Variants in CNTNAP2 observed in about 807,000 individuals in gnomAD.
The protein encoded by CNTNAP2 is contactin associated protein 2, also known as contactin-associated protein-like 2.
In CNTNAP2, 98 loss-of-function variants were observed where a neutral mutation model predicts 155.2. That is an observed-to-expected ratio of 0.63 (90% CI 0.54 to 0.75). CNTNAP2 has a LOEUF of 0.75. CNTNAP2 is among the 30% of genes least tolerant of loss of function. CNTNAP2 has a pLI of 0.00. For synonymous variants in CNTNAP2, 651 were observed against 631.2 expected (o/e 1.03, Z -0.47); for missense variants, 1,727 against 1,688.1 (o/e 1.02, Z -0.40).
At chr7:147,908,526 T>C (rs1216575291) in intron 14 of CNTNAP2, among the ~76,000 whole-genome samples, 2 of 152,190 alleles carry the variant, frequency 1.3e-5, no homozygotes, top group Non-Finnish European at 2.9e-5. Flanking sequence ...CAGAGCCCCT[T>C]CTTGAAGCTG....
chr7:147,150,147 A>G (rs1801796406), intron 8 of CNTNAP2, among the ~76,000 whole-genome samples: 1 of 152,170 alleles, frequency 6.6e-6, no homozygotes, highest in African/African-American at 2.4e-5. Flanking sequence ...AGCTCAGAGA[A>G]GAGTCAAGGC....
chr7:147,644,193 C>T (rs943253426), intron 13 of CNTNAP2, among the ~76,000 whole-genome samples: 2 of 152,146 alleles, frequency 1.3e-5, no homozygotes, highest in Non-Finnish European at 2.9e-5. Flanking sequence ...AGAGAAAAAT[C>T]ATTAATGGTC....
chr7:147,297,599 G>T (rs1188229681), intron 8 of CNTNAP2, among the ~76,000 whole-genome samples: 3 of 152,136 alleles, frequency 2.0e-5, no homozygotes, highest in African/African-American at 2.4e-5. Flanking sequence ...TTCACACGAG[G>T]CATTCCAGAT....
intron 1 of CNTNAP2, among the ~76,000 whole-genome samples, chr7:146,766,157 C>T (rs1363987364): frequency 2.0e-5 from 3 of 151,962 alleles, no homozygotes; most frequent in East Asian, 1.9e-4. Context: ...AGATAAAGAT[C>T]GAAGCAGGAA....
intron 13 of CNTNAP2, among the ~76,000 whole-genome samples, chr7:147,814,181 T>G (rs1296230601): frequency 6.6e-6 from 1 of 152,216 alleles, no homozygotes; most frequent in African/African-American, 2.4e-5. Context: ...AGTTCTTTTA[T>G]TTTCCTAGAA....
intron 9 of CNTNAP2, among the ~76,000 whole-genome samples, chr7:147,389,048 C>T (rs1796667581): frequency 6.6e-6 from 1 of 152,164 alleles, no homozygotes; most frequent in Non-Finnish European, 1.5e-5. Flanking sequence ...CCACTAGACT[C>T]TCTTCCCCTG....
chr7:147,988,486 G>T (rs1367613563), intron 15 of CNTNAP2, among the ~76,000 whole-genome samples: 1 of 152,012 alleles, frequency 6.6e-6, no homozygotes, highest in Non-Finnish European at 1.5e-5. Context: ...GAGTCAGGTT[G>T]GAAAATAAGT....
At chr7:147,792,665 C>G (rs1797838329) in intron 13 of CNTNAP2, among the ~76,000 whole-genome samples, 1 of 152,146 alleles carries the variant, frequency 6.6e-6, no homozygotes, top group Non-Finnish European at 1.5e-5. Context: ...TATGACCATT[C>G]ATCTACAAGT....
intron 1 of CNTNAP2, among the ~76,000 whole-genome samples, chr7:146,283,492 C>T (rs554784999): frequency 6.8e-4 from 103 of 152,174 alleles, no homozygotes; most frequent in Non-Finnish European, 1.3e-3. Context: ...CTCAGCCTCC[C>T]GAGTAGCAGG....
intron 14 of CNTNAP2, among the ~76,000 whole-genome samples, chr7:147,934,263 A>T (rs1294250025): frequency 1.3e-5 from 2 of 152,310 alleles, no homozygotes; most frequent in African/African-American, 4.8e-5. Flanking sequence ...GGGTAATTTA[A>T]AAAAGAAAGA....
At chr7:147,594,273 G>T (rs371844728) in intron 12 of CNTNAP2, among the ~76,000 whole-genome samples, 2 of 151,790 alleles carry the variant, frequency 1.3e-5, no homozygotes. Context: ...CCACAGGCGC[G>T]CACCACCATG....
At chr7:148,001,401 A>G (rs1477521405) in intron 15 of CNTNAP2, among the ~76,000 whole-genome samples, 3 of 152,240 alleles carry the variant, frequency 2.0e-5, no homozygotes, top group Non-Finnish European at 4.4e-5. Context: ...AGTTCTCAGC[A>G]GCCCACCTGG....
At chr7:146,910,824 G>C (rs1796257241) in intron 3 of CNTNAP2, among the ~76,000 whole-genome samples, 1 of 148,886 alleles carries the variant, frequency 6.7e-6, no homozygotes, top group Non-Finnish European at 1.5e-5. Context: ...TTAAACTAAA[G>C]AGCTTCTGCA....
chr7:147,226,002 A>T (rs188051239), intron 8 of CNTNAP2, among the ~76,000 whole-genome samples: 6 of 151,876 alleles, frequency 4.0e-5, no homozygotes, highest in African/African-American at 1.2e-4. Context: ...AAAGAAAGAA[A>T]GAATGAAAGA....
chr7:148,262,490 C>T (rs1451728924), intron 20 of CNTNAP2, among the ~76,000 whole-genome samples: 1 of 152,176 alleles, frequency 6.6e-6, no homozygotes, highest in Non-Finnish European at 1.5e-5. Flanking sequence ...CTGGTGCCTT[C>T]CGCAGGCTCT....
chr7:147,964,545 A>G (rs1012194382), intron 14 of CNTNAP2, among the ~76,000 whole-genome samples: 1 of 152,216 alleles, frequency 6.6e-6, no homozygotes, highest in Non-Finnish European at 1.5e-5. Flanking sequence ...AATTCACATT[A>G]ACAAATATTC....
intron 12 of CNTNAP2, among the ~76,000 whole-genome samples, chr7:147,589,240 G>GA (rs1488402826): frequency 2.0e-5 from 3 of 152,158 alleles, no homozygotes; most frequent in Non-Finnish European, 4.4e-5. Context: ...GTTAGTAAAA[G>GA]TTTTAAGACT....
chr7:147,291,700 A>G (rs1805316697), intron 8 of CNTNAP2, among the ~76,000 whole-genome samples: 1 of 152,172 alleles, frequency 6.6e-6, no homozygotes, highest in Non-Finnish European at 1.5e-5. Flanking sequence ...GTTTAACTTT[A>G]TTAAAAATTG....
At chr7:147,841,521 A>C (rs2116652417) in intron 13 of CNTNAP2, among the ~76,000 whole-genome samples, 1 of 152,278 alleles carries the variant, frequency 6.6e-6, no homozygotes, top group Admixed American at 6.5e-5. Context: ...TTTGGGGCAA[A>C]GCGCAATTTT....
Sources: gnomAD v4.1 joint callset for allele counts (sites outside exome capture counted in the v4.1 genomes callset) on GRCh38, gnomAD v4.1.1 for gene constraint, MANE v1.5 for transcripts, NCBI Gene and HGNC (gene_info 2026-07-23, HGNC 2026-07-21) for gene names.